GANC: variants seen among roughly 807,000 people sequenced by gnomAD.
GANC encodes glucosidase alpha, neutral C.
GANC carries 117 observed loss-of-function variants against 124.2 expected under a neutral mutation model. The ratio of observed to expected loss-of-function variants is 0.94; its 90% CI spans 0.81 to 1.10. The LOEUF (loss-of-function observed/expected upper bound fraction) is 1.10. Ranked by LOEUF, GANC falls within the 50% of genes least tolerant of loss-of-function variation. The pLI, the probability that GANC is intolerant of heterozygous loss-of-function variation, is 0.00. For missense variants in GANC, 1,140 were observed against 1,095.0 expected (o/e 1.04, Z -0.58); for synonymous variants, 377 against 376.8 (o/e 1.00, Z -0.01).
At chr15:42,348,716 C>T (rs1334325870) in intron 21 of GANC, among the ~76,000 whole-genome samples, 1 of 152,232 alleles carries the variant, frequency 6.6e-6, no homozygotes, top group Admixed American at 6.5e-5. Context: ...TAGCAGATTC[C>T]TCTCCTGTCC....
At chr15:42,342,480 G>C (rs2052334806) in intron 18 of GANC, among the ~76,000 whole-genome samples, 1 of 152,158 alleles carries the variant, frequency 6.6e-6, no homozygotes, top group African/African-American at 2.4e-5. Flanking sequence ...CTACTCAGAG[G>C]CTGAGGCTGG....
chr15:42,322,218 G>A (rs2052165632), intron 11 of GANC, among the ~76,000 whole-genome samples, 198 bp downstream of exon 11: 1 of 152,198 alleles, frequency 6.6e-6, no homozygotes, highest in Non-Finnish European at 1.5e-5. Flanking sequence ...TCCTGGCTTA[G>A]TTATCTAGGT....
chr15:42,273,377 G>T lies in GANC; in HGVS notation c.-1105G>T. 1 of 1,614,048 alleles carries T rather than the reference G, an allele frequency of 6.2e-7. No individual in the cohort carries two copies. The highest frequency in any genetic ancestry group is 8.5e-7 in the Non-Finnish European group (1 of 1,180,028). ...AGCAGAAGAATGACAGGCAACACCT[G>T]AAGCCACGCAGCCGCCGCCATCTTC... On this transcript the variant is annotated 5_prime_UTR_variant, in exon 1 of 24. An upstream open reading frame in the 5' UTR loses its in-frame stop. Transcript: ENST00000318010.
chr15:42,288,020 A>G (rs2051807611), intron 4 of GANC, among the ~76,000 whole-genome samples: 1 of 152,080 alleles, frequency 6.6e-6, no homozygotes, highest in Admixed American at 6.6e-5. Flanking sequence ...CATTTTCCTT[A>G]TTATCCATTC....
Position 42,338,444 on chromosome 15 carries a change from C to A in GANC, c.1797C>A (p.Ile599=), listed in dbSNP as rs1195537672. The change falls in exon 16 of 24, where the codon ATC becomes ATA. Residue 599 remains isoleucine (I), a synonymous_variant. Transcript: ENST00000318010. ...AATGGAGCAACTTGAAAATTTCTATCCCAATGTTACTCACTCTCAGCATTA... is the reference window on the plus strand; with the variant it reads ...AATGGAGCAACTTGAAAATTTCTATACCAATGTTACTCACTCTCAGCATTA... ...TAEWSNLKIS[I]PMLLTLSITG... The A allele has an allele frequency of 1.2e-6, 2 of 1,613,932 alleles. No homozygotes were observed. The highest frequency in any genetic ancestry group is 2.7e-5 in the African/African-American group (2 of 74,924).
At chr15:42,281,690 G>C (rs1483755389) in intron 3 of GANC, among the ~76,000 whole-genome samples, 2 of 151,878 alleles carry the variant, frequency 1.3e-5, no homozygotes, top group African/African-American at 4.8e-5. Context: ...AAAAAAAATT[G>C]ACCTAAAACA....
At chr15:42,283,862 C>G (rs1384956043) in intron 3 of GANC, 2 of 702,610 alleles carry the variant, frequency 2.8e-6, no homozygotes, top group Admixed American at 2.0e-5. Flanking sequence ...AGAAGCACAC[C>G]TGGACAGGCC....
In GANC at chr15:42,287,724, G is replaced by C; in HGVS notation, c.235G>C (p.Gly79Arg). 6.2e-7 allele frequency: 1 copy of C among 1,612,806 alleles called. No individual in the cohort carries two copies. The highest frequency in any genetic ancestry group is 8.5e-7 in the Non-Finnish European group (1 of 1,179,330). Residue 79 changes from glycine to arginine, a missense_variant, in exon 4 of 24, where the codon GGA becomes CGA. Physicochemically the swap from Gly to Arg is moderately radical, Grantham distance 125 (BLOSUM62 -2). Transcript: ENST00000318010. ...CCTGGCTGAAATTTATGGTATAGAA[G>C]GAAACATTTTCAGGCTTAAAATTAA... ...PLLAEIYGIE[G>R]NIFRLKINEE...
intron 22 of GANC, among the ~76,000 whole-genome samples, chr15:42,350,744 C>T (rs940076477): frequency 2.7e-5 from 4 of 150,920 alleles, no homozygotes; most frequent in African/African-American, 9.8e-5. Flanking sequence ...TTAGTAGAGA[C>T]GGGGTTTCGT....
At chr15:42,276,880 G>T (rs2141010019) in intron 2 of GANC, among the ~76,000 whole-genome samples, 1 of 151,442 alleles carries the variant, frequency 6.6e-6, no homozygotes, top group Non-Finnish European at 1.5e-5. Context: ...ATACCAAATA[G>T]GTTTTTTTTC....
At chr15:42,318,182 G>T (rs1479618777) in intron 10 of GANC, among the ~76,000 whole-genome samples, 1 of 152,080 alleles carries the variant, frequency 6.6e-6, no homozygotes. Context: ...ACTTACCTTT[G>T]CTGTTTTCTG....
intron 22 of GANC, among the ~76,000 whole-genome samples, chr15:42,350,025 T>TC (rs1358755336): frequency 6.2e-5 from 5 of 80,662 alleles, no homozygotes; most frequent in African/African-American, 3.9e-4. Flanking sequence ...TCCCCCACTT[T>TC]TTTTTTTTTT....
At chr15:42,313,712 T>C in intron 10 of GANC, 1 of 224,332 alleles carries the variant, frequency 4.5e-6, no homozygotes, top group Non-Finnish European at 8.8e-6. Flanking sequence ...GGCTCCTGGA[T>C]AGAACTGTAC....
intron 5 of GANC, among the ~76,000 whole-genome samples, chr15:42,293,254 C>T (rs560368688): frequency 5.3e-5 from 8 of 152,152 alleles, no homozygotes; most frequent in Non-Finnish European, 1.0e-4. Flanking sequence ...CACTCCCTTG[C>T]AATAACACAA....
chr15:42,310,017 T>A (rs1051818550), intron 8 of GANC, among the ~76,000 whole-genome samples: 6 of 152,036 alleles, frequency 3.9e-5, no homozygotes, highest in African/African-American at 1.4e-4. Flanking sequence ...AGACCCTATC[T>A]GGAAAAAAGA....
intron 10 of GANC, among the ~76,000 whole-genome samples, chr15:42,320,254 A>G (rs1364644891): frequency 6.6e-6 from 1 of 152,202 alleles, no homozygotes; most frequent in Admixed American, 6.5e-5. Flanking sequence ...TGGATTTTCA[A>G]ATTAGGGATA....
chr15:42,330,257 G>C (rs187098003), intron 14 of GANC, among the ~76,000 whole-genome samples: 2 of 152,172 alleles, frequency 1.3e-5, no homozygotes, highest in Non-Finnish European at 2.9e-5. Flanking sequence ...AATGAAAACT[G>C]TCTGTCTCAG....
intron 6 of GANC, among the ~76,000 whole-genome samples, chr15:42,298,507 C>G (rs1197340502): frequency 6.6e-6 from 1 of 152,124 alleles, no homozygotes; most frequent in Admixed American, 6.6e-5. Flanking sequence ...CTGAGTTTCT[C>G]CTAAGAGCAA....
At chr15:42,279,321 A>G (rs1026314326) in intron 3 of GANC, among the ~76,000 whole-genome samples, 2 of 152,190 alleles carry the variant, frequency 1.3e-5, no homozygotes, top group African/African-American at 4.8e-5. Flanking sequence ...GCCCATTTGC[A>G]TGTTTAGCCT....
Sources: gnomAD v4.1 joint callset for allele counts (sites outside exome capture counted in the v4.1 genomes callset) on GRCh38, gnomAD v4.1.1 for gene constraint, MANE v1.5 for transcripts, NCBI Gene and HGNC (gene_info 2026-07-23, HGNC 2026-07-21) for gene names.